The following SEC31A variants were observed in gnomAD, a reference collection of about 807,000 sequenced individuals.
The protein encoded by SEC31A is protein transport protein Sec31A.
In SEC31A, 70 loss-of-function variants were observed where a neutral mutation model predicts 151.0. The ratio of observed to expected loss-of-function variants is 0.46; its 90% CI spans 0.38 to 0.57. SEC31A has a LOEUF of 0.57. Among genes scored for constraint, SEC31A ranks in the 20% least tolerant of loss-of-function variants. The probability of loss-of-function intolerance (pLI) is 0.00; values close to 1 mark genes in which losing one functional copy is unlikely to be tolerated. For synonymous variants in SEC31A, 475 were observed against 505.9 expected, an observed-to-expected ratio of 0.94 and a Z score of 0.82; for missense variants, 1,330 against 1,471.2, an observed-to-expected ratio of 0.90 and a Z score of 1.57.
chr4:82,828,061 C>T (rs536609024), intron 23 of SEC31A, among the ~76,000 whole-genome samples: 4 of 152,222 alleles, frequency 2.6e-5, no homozygotes, highest in East Asian at 1.9e-4. Context: ...ATTACAGGCG[C>T]GTGCCACCAC....
At chr4:82,870,135 T>A (rs1560646303) in intron 8 of SEC31A, among the ~76,000 whole-genome samples, 190 bp downstream of exon 8, 1 of 152,238 alleles carries the variant, frequency 6.6e-6, no homozygotes, top group Non-Finnish European at 1.5e-5. Flanking sequence ...GAATTACTGA[T>A]TTTTCTGGTT....
intron 20 of SEC31A, among the ~76,000 whole-genome samples, chr4:82,845,829 T>C (rs1362366295): frequency 6.6e-6 from 1 of 152,094 alleles, no homozygotes; most frequent in East Asian, 1.9e-4. Context: ...AAGCTGAATA[T>C]TAAAGATCTT....
chr4:82,875,428 T>G (rs1055821344), intron 5 of SEC31A, among the ~76,000 whole-genome samples: 4 of 152,196 alleles, frequency 2.6e-5, no homozygotes, highest in African/African-American at 9.7e-5. Flanking sequence ...CAAAAATAAT[T>G]ATACTATATC....
At chr4:82,894,493 G>A (rs1429660589), upstream of SEC31A, 1 of 152,212 alleles carries the variant, frequency 6.6e-6, no homozygotes, top group Non-Finnish European at 1.5e-5. Flanking sequence ...TGAACCAACT[G>A]AGATGTCTAT....
chr4:82,836,969 A>C (rs1464651847), intron 22 of SEC31A, among the ~76,000 whole-genome samples: 2 of 151,750 alleles, frequency 1.3e-5, no homozygotes, highest in African/African-American at 2.4e-5. Context: ...TGGATACTCC[A>C]ATACCATTTA....
chr4:82,890,840 C>G (rs1399479114), intron 1 of SEC31A: 63 of 1,329,100 alleles, frequency 4.7e-5, no homozygotes, highest in Non-Finnish European at 5.8e-5. Flanking sequence ...CTGTCGCCAG[C>G]CTCGGGTGGC....
intron 1 of SEC31A, 155 bp downstream of exon 1, chr4:82,890,933 C>T (rs1296646328): frequency 7.1e-7 from 1 of 1,417,582 alleles, no homozygotes; most frequent in South Asian, 1.5e-5. Flanking sequence ...TCCGCCGGGC[C>T]CGAAACCAAG....
chr4:82,867,108 T>C lies in SEC31A; in HGVS notation c.1044+47A>G, dbSNP rs780800745. The C allele has an allele frequency of 1.1e-5, 17 of 1,570,502 alleles. 1 individual carries two copies. The highest frequency in any genetic ancestry group is 1.0e-4 in the South Asian group (9 of 88,672). ...TCATTTCAAAATATTACACAACACA[T>C]ACTTTTTTCAGGCATTATAATAGAA... On this transcript the variant is annotated intron_variant, in intron 9 of 26. Transcript: ENST00000395310.
intron 22 of SEC31A, among the ~76,000 whole-genome samples, chr4:82,841,467 T>TATATATACAC (rs1339344582): frequency 1.1e-4 from 11 of 103,594 alleles, no homozygotes; most frequent in African/African-American, 3.1e-4. Flanking sequence ...TATATATATA[T>TATATATACAC]ACACACACAC....
chr4:82,849,128 C>T (rs1730865101), intron 19 of SEC31A, 151 bp from the exon 20 acceptor site: 2 of 704,096 alleles, frequency 2.8e-6, no homozygotes, highest in African/African-American at 1.8e-5. Context: ...ACAGATTTGA[C>T]ATTGTGCTTT....
intron 19 of SEC31A, 64 bp from the exon 20 acceptor site, chr4:82,849,041 A>G (rs1476841732): frequency 7.1e-7 from 1 of 1,404,896 alleles, no homozygotes; most frequent in Non-Finnish European, 9.8e-7. Context: ...CAGCATGTTA[A>G]TTTTCTTAAT....
chr4:82,849,009 G>C (rs373124024), intron 19 of SEC31A, 32 bp from the exon 20 acceptor site: 232 of 1,591,986 alleles, frequency 1.5e-4, no homozygotes, highest in Non-Finnish European at 1.9e-4. Flanking sequence ...GCAGACTGTT[G>C]AGAGTTCACC....
At chr4:82,869,296 A>ATTT (rs747027053) in intron 8 of SEC31A, among the ~76,000 whole-genome samples, 6 of 128,714 alleles carry the variant, frequency 4.7e-5, no homozygotes, top group African/African-American at 1.7e-4. Context: ...ATTTTTTTGT[A>ATTT]TTTTTTTTTT....
chr4:82,818,921 C>T lies in SEC31A; in HGVS notation c.*153G>A, dbSNP rs1477083965. 1 of 550,478 alleles carries T rather than the reference C, an allele frequency of 1.8e-6. No individual in the cohort carries two copies. The allele number at this position is 550,478 out of a possible 1,614,324, so 34.1% of individuals were successfully genotyped here. On this transcript the variant is annotated 3_prime_UTR_variant, in exon 27 of 27. Transcript: ENST00000395310. Reference sequence around the variant, plus strand: ...TAAAGCACCAGGGTTCTGAGCAGTTCTAAGGTGAGTATATCAGCAGAAATA... The same window carrying T: ...TAAAGCACCAGGGTTCTGAGCAGTTTTAAGGTGAGTATATCAGCAGAAATA...
chr4:82,871,423 T>A (rs1305554013), intron 7 of SEC31A: 3 of 1,506,040 alleles, frequency 2.0e-6, no homozygotes, highest in Non-Finnish European at 2.7e-6. Context: ...TTAGGAACTG[T>A]GACTTTAAGC....
At chr4:82,891,167 C>A, upstream of SEC31A, 2 of 1,535,580 alleles carry the variant, frequency 1.3e-6, no homozygotes, top group Non-Finnish European at 1.7e-6. Flanking sequence ...GCCGCCCCTC[C>A]TCCCCGGCCA....
chr4:82,845,266 A>C, intron 20 of SEC31A: 2 of 1,532,500 alleles, frequency 1.3e-6, no homozygotes, highest in Non-Finnish European at 1.7e-6. Context: ...TTGTTACTCC[A>C]GGTAGTGACA....
At chr4:82,855,057 T>G in intron 16 of SEC31A, 28 bp from the exon 17 acceptor site, 1 of 1,572,392 alleles carries the variant, frequency 6.4e-7, no homozygotes, top group Non-Finnish European at 8.6e-7. Flanking sequence ...AAGGAAGAAT[T>G]AAAAGTCTTT....
intron 22 of SEC31A, among the ~76,000 whole-genome samples, chr4:82,836,989 G>C (rs888028516): frequency 2.0e-5 from 3 of 151,446 alleles, no homozygotes; most frequent in Non-Finnish European, 1.5e-5. Flanking sequence ...ACCCTGATGT[G>C]ATCATTATGC....
Sources: allele counts gnomAD v4.1 joint callset (sites outside exome capture counted in the v4.1 genomes callset), GRCh38; gene constraint gnomAD v4.1.1; transcripts MANE v1.5; gene names NCBI Gene and HGNC (gene_info 2026-07-23, HGNC 2026-07-21).